The following RBFOX1 variants were observed in gnomAD, a reference collection of about 807,000 sequenced individuals.
RBFOX1 encodes the protein RNA binding protein fox-1 homolog 1.
A neutral mutation model predicts 57.7 loss-of-function variants in RBFOX1; 8 were observed. The observed-to-expected ratio is 0.14, with a 90% CI of 0.08 to 0.25. The LOEUF is 0.25. RBFOX1 is among the 10% of genes least tolerant of loss of function. The probability of loss-of-function intolerance (pLI) is 1.00; values close to 1 mark genes in which losing one functional copy is unlikely to be tolerated. For missense variants in RBFOX1, 611 were observed against 548.5 expected (o/e 1.11, Z -1.14); for synonymous variants, 326 against 222.4 (o/e 1.47, Z -4.15).
chr16:6,426,645 A>T (rs2093937498), intron 2 of RBFOX1, among the ~76,000 whole-genome samples: 1 of 152,152 alleles, frequency 6.6e-6, no homozygotes, highest in South Asian at 2.1e-4. Flanking sequence ...ATCAAAACAA[A>T]CCTACTCCTT....
intron 3 of RBFOX1, among the ~76,000 whole-genome samples, chr16:6,991,183 T>C (rs1304731974): frequency 2.7e-5 from 4 of 149,062 alleles, no homozygotes; most frequent in African/African-American, 9.9e-5. Flanking sequence ...CGTGTACCTT[T>C]AGTTCCAGTT....
intron 3 of RBFOX1, among the ~76,000 whole-genome samples, chr16:6,698,591 C>T (rs993449129): frequency 3.3e-5 from 5 of 152,252 alleles, no homozygotes; most frequent in African/African-American, 9.6e-5. Context: ...TTGCCAGAGC[C>T]CCACAGGGTC....
At chr16:5,715,343 C>T (rs999045231) in intron 3 of RBFOX1, among the ~76,000 whole-genome samples, 4 of 152,170 alleles carry the variant, frequency 2.6e-5, no homozygotes, top group African/African-American at 9.7e-5. Flanking sequence ...TGTTCCCTGC[C>T]ATAACTCACC....
At chr16:6,938,737 G>A (rs146183176) in intron 3 of RBFOX1, among the ~76,000 whole-genome samples, 13 of 152,226 alleles carry the variant, frequency 8.5e-5, no homozygotes, top group African/African-American at 2.4e-4. Context: ...TTTGAAACCA[G>A]TTTGGCTGTC....
intron 3 of RBFOX1, among the ~76,000 whole-genome samples, chr16:6,875,344 T>C (rs2061647409): frequency 6.6e-6 from 1 of 152,154 alleles, no homozygotes; most frequent in Non-Finnish European, 1.5e-5. Context: ...ATCTGTCCTT[T>C]ATACACAGCT....
At chr16:7,316,509 C>G (rs970537581) in intron 4 of RBFOX1, among the ~76,000 whole-genome samples, 1 of 152,164 alleles carries the variant, frequency 6.6e-6, no homozygotes, top group African/African-American at 2.4e-5. Context: ...GCCTCTGTCT[C>G]AGAGATTGGG....
At chr16:5,625,194 C>T (rs2048312797) in intron 3 of RBFOX1, among the ~76,000 whole-genome samples, 2 of 151,908 alleles carry the variant, frequency 1.3e-5, no homozygotes, top group South Asian at 4.2e-4. Flanking sequence ...GGAAGATGAG[C>T]CCCCCAGAAC....
intron 9 of RBFOX1, among the ~76,000 whole-genome samples, chr16:7,601,991 C>T (rs1223523549): frequency 6.6e-6 from 1 of 152,194 alleles, no homozygotes; most frequent in Non-Finnish European, 1.5e-5. Flanking sequence ...TGCCAGGTCT[C>T]TGACATCCTT....
intron 1 of RBFOX1, among the ~76,000 whole-genome samples, chr16:6,154,948 T>G (rs559460891): frequency 6.6e-6 from 1 of 152,376 alleles, no homozygotes; most frequent in East Asian, 1.9e-4. Context: ...TTATATTTAA[T>G]ATTCAAAATG....
rs151008099 is a variant in RBFOX1, at chr16:6,969,737, C to T, written c.-15-82320C>T. Among the ~76,000 whole-genome samples the T allele has an allele frequency of 6.8e-4, 104 of 152,112 alleles. 1 individual carries two copies. The highest frequency in any genetic ancestry group is 3.4e-3 in the Middle Eastern group (1 of 294). On this transcript the variant is annotated intron_variant, in intron 3 of 15. Transcript: ENST00000550418. Reference sequence around the variant, plus strand: ...CCAGCCTGGGTGACAGAGCCAGACCCTGTCTCAAATAAATAAAAATAAGGT... The same window carrying T: ...CCAGCCTGGGTGACAGAGCCAGACCTTGTCTCAAATAAATAAAAATAAGGT...
At chr16:6,029,507 C>G (rs909018766) in intron 1 of RBFOX1, among the ~76,000 whole-genome samples, 2 of 152,186 alleles carry the variant, frequency 1.3e-5, no homozygotes, top group Non-Finnish European at 2.9e-5. Context: ...GGCGTGGTGG[C>G]TCACGCCTGT....
chr16:7,381,503 C>A (rs200213532), intron 4 of RBFOX1, among the ~76,000 whole-genome samples: 1 of 143,440 alleles, frequency 7.0e-6, no homozygotes. Flanking sequence ...CGTTCCCCCC[C>A]GCCTTTTTTT....
intron 3 of RBFOX1, among the ~76,000 whole-genome samples, chr16:6,998,704 T>C (rs1251624434): frequency 1.3e-5 from 2 of 152,132 alleles, no homozygotes; most frequent in South Asian, 2.1e-4. Flanking sequence ...TGTTTGATGA[T>C]GGCTACAGGT....
At chr16:5,358,721 G>C (rs1484178455) in intron 1 of RBFOX1, among the ~76,000 whole-genome samples, 1 of 152,196 alleles carries the variant, frequency 6.6e-6, no homozygotes, top group African/African-American at 2.4e-5. Context: ...CAGCTACTGG[G>C]GAGGTTGAGG....
chr16:6,963,588 C>A (rs980940319), intron 3 of RBFOX1, among the ~76,000 whole-genome samples: 1 of 152,024 alleles, frequency 6.6e-6, no homozygotes, highest in Non-Finnish European at 1.5e-5. Flanking sequence ...CAACTATAGG[C>A]CATCCTAGAA....
chr16:5,399,430 A>G (rs944231321), intron 1 of RBFOX1, among the ~76,000 whole-genome samples: 1 of 152,336 alleles, frequency 6.6e-6, no homozygotes, highest in African/African-American at 2.4e-5. Context: ...GAAATGGAAA[A>G]TAAAGGAGAA....
chr16:6,492,026 C>G (rs879335077), intron 2 of RBFOX1, among the ~76,000 whole-genome samples: 4 of 151,908 alleles, frequency 2.6e-5, no homozygotes, highest in Non-Finnish European at 4.4e-5. Context: ...GATGAGTAGA[C>G]ATATAGACTG....
At chr16:7,176,408 A>C (rs747120333) in intron 4 of RBFOX1, among the ~76,000 whole-genome samples, 5 of 152,078 alleles carry the variant, frequency 3.3e-5, no homozygotes, top group South Asian at 2.1e-4. Context: ...ACACACAGTT[A>C]AGATATTCAT....
intron 1 of RBFOX1, chr16:6,038,220 C>T (rs1339500769): frequency 6.8e-6 from 1 of 148,016 alleles, no homozygotes; most frequent in Non-Finnish European, 1.5e-5. Context: ...CTCACCCTGT[C>T]ATCCAGGCTG....
Sources: allele counts gnomAD v4.1 joint callset (sites outside exome capture counted in the v4.1 genomes callset), GRCh38; gene constraint gnomAD v4.1.1; transcripts MANE v1.5; gene names NCBI Gene and HGNC (gene_info 2026-07-23, HGNC 2026-07-21).